Variants in NEK11 observed in about 807,000 individuals in gnomAD.
NEK11 encodes the protein NIMA related kinase 11, also known as serine/threonine-protein kinase Nek11.
Under a neutral mutation model 80.7 loss-of-function variants are expected in NEK11, and 72 were observed. The ratio of observed to expected loss-of-function variants is 0.89; its 90% confidence interval spans 0.74 to 1.08. The LOEUF (loss-of-function observed/expected upper bound fraction) is 1.08. NEK11 is among the 50% of genes least tolerant of loss of function. The pLI is 0.00. For missense variants in NEK11, 764 were observed against 763.6 expected (o/e 1.00, Z -0.01); for synonymous variants, 251 against 260.7 (o/e 0.96, Z 0.36).
intron 17 of NEK11, among the ~76,000 whole-genome samples, chr3:131,302,483 A>G (rs545166338): frequency 1.3e-5 from 2 of 152,274 alleles, no homozygotes; most frequent in African/African-American, 4.8e-5. Context: ...TGATGTGAAC[A>G]TCTAGCACTA....
intron 17 of NEK11, among the ~76,000 whole-genome samples, chr3:131,293,961 T>C (rs753185672): frequency 2.6e-5 from 4 of 152,024 alleles, no homozygotes; most frequent in African/African-American, 4.8e-5. Flanking sequence ...TTGTGTTCTC[T>C]CTTTTTTTCT....
intron 3 of NEK11, among the ~76,000 whole-genome samples, chr3:131,049,066 A>C (rs1360411650): frequency 7.2e-5 from 11 of 152,196 alleles, no homozygotes. Context: ...AGCCTTTTCT[A>C]ATTAATAGTA....
At position 131,165,510 on chromosome 3, in the gene NEK11, T is replaced by G. The variant is rs764947085; in HGVS notation, c.1167T>G (p.Asp389Glu). 2.2e-5 allele frequency: 36 copies of G among 1,601,778 alleles called. No homozygotes were observed. The highest frequency in any genetic ancestry group is 3.1e-5 in the Non-Finnish European group (36 of 1,169,712). Residue 389 changes from aspartate (D) to glutamate (E), a missense_variant, in exon 12 of 18, where the codon GAT becomes GAG. Asp to Glu is a conservative substitution (Grantham distance 45). Coordinates refer to ENST00000383366, the MANE Select transcript of NEK11 (RefSeq NM_024800.5). The stretch of plus-strand genomic sequence containing the variant: ...GGAACTTTCAGCAGCTGAGTGTTGA[T>G]GTACTCCATGTAAGTACCCTCTTAT... ...RSRNFQQLSV[D>E]VLHEKTHLKG...
chr3:131,079,168 G>A (rs973791616), intron 3 of NEK11, among the ~76,000 whole-genome samples: 1 of 152,128 alleles, frequency 6.6e-6, no homozygotes, highest in African/African-American at 2.4e-5. Flanking sequence ...ACAATGATGA[G>A]CATAACTGGC....
At chr3:131,125,091 A>G (rs77725271) in intron 5 of NEK11, among the ~76,000 whole-genome samples, 2,248 of 152,282 alleles carry the variant, frequency 0.015, 60 homozygotes, top group African/African-American at 0.051. Context: ...ATTCCTCTCT[A>G]ATCCACTAAA....
intron 4 of NEK11, chr3:131,109,580 T>A (rs2079740099): frequency 2.4e-6 from 1 of 424,716 alleles, no homozygotes. Flanking sequence ...ATTAATAGAT[T>A]CGTGTTTGTT....
At chr3:131,062,386 C>T (rs2148823188) in intron 3 of NEK11, among the ~76,000 whole-genome samples, 1 of 152,308 alleles carries the variant, frequency 6.6e-6, no homozygotes, top group South Asian at 2.1e-4. Flanking sequence ...TCCTCTGCTG[C>T]CCTCTCATTA....
intron 17 of NEK11, among the ~76,000 whole-genome samples, chr3:131,283,985 T>C (rs1163029518): frequency 6.6e-6 from 1 of 152,142 alleles, no homozygotes; most frequent in African/African-American, 2.4e-5. Flanking sequence ...TGAGAGTCTG[T>C]TAGGTGTGAG....
chr3:131,184,120 G>C (rs893987113), intron 14 of NEK11, among the ~76,000 whole-genome samples: 13 of 152,130 alleles, frequency 8.5e-5, no homozygotes, highest in Middle Eastern at 3.4e-3. Context: ...CATCCAGCAG[G>C]CATCATGGTA....
chr3:131,297,232 G>A (rs957531744), intron 17 of NEK11, among the ~76,000 whole-genome samples: 44 of 151,630 alleles, frequency 2.9e-4, no homozygotes, highest in Non-Finnish European at 5.0e-4. Flanking sequence ...CTGAGGAATC[G>A]CCACACTGAC....
intron 3 of NEK11, among the ~76,000 whole-genome samples, chr3:131,044,901 T>A (rs1188824086): frequency 2.0e-5 from 3 of 151,982 alleles, no homozygotes; most frequent in Non-Finnish European, 4.4e-5. Flanking sequence ...ATGCAAAAGA[T>A]CAGAAATCAT....
intron 4 of NEK11, among the ~76,000 whole-genome samples, chr3:131,102,203 T>C (rs2078471280): frequency 6.6e-6 from 1 of 152,142 alleles, no homozygotes; most frequent in Admixed American, 6.5e-5. Context: ...TATTAATATG[T>C]GAGATATTGA....
At chr3:131,234,235 TG>T (rs1185393358) in intron 15 of NEK11, among the ~76,000 whole-genome samples, 6 of 152,252 alleles carry the variant, frequency 3.9e-5, no homozygotes, top group African/African-American at 1.4e-4. Flanking sequence ...TCATCTGTTA[TG>T]GGATACAGAT....
At chr3:131,039,329 A>G (rs1189089942) in intron 3 of NEK11, among the ~76,000 whole-genome samples, 1 of 152,218 alleles carries the variant, frequency 6.6e-6, no homozygotes, top group Admixed American at 6.5e-5. Context: ...AGCTAACTTT[A>G]ATTTCCTGAC....
chr3:131,115,946 CT>C (rs369561182), intron 5 of NEK11, among the ~76,000 whole-genome samples: 2 of 128,138 alleles, frequency 1.6e-5, no homozygotes, highest in Admixed American at 7.9e-5. Context: ...TTCTTTCTTT[CT>C]TTCTTTCTTT....
At chr3:131,138,239 T>C (rs1380723767) in intron 7 of NEK11, among the ~76,000 whole-genome samples, 1 of 152,208 alleles carries the variant, frequency 6.6e-6, no homozygotes, top group African/African-American at 2.4e-5. Flanking sequence ...GAAGAGTCCT[T>C]AGGCCTTAAT....
intron 17 of NEK11, 31 bp downstream of exon 17, chr3:131,273,605 G>A (rs2096240931): frequency 1.3e-6 from 2 of 1,522,540 alleles, no homozygotes; most frequent in Admixed American, 1.7e-5. Context: ...CCCCTAGGAA[G>A]GTGCAGTGTT....
chr3:131,098,010 A>G (rs1183277773), intron 4 of NEK11, among the ~76,000 whole-genome samples: 1 of 145,536 alleles, frequency 6.9e-6, no homozygotes, highest in Non-Finnish European at 1.6e-5. Context: ...GCATATCTAC[A>G]ACTATCTGAT....
intron 16 of NEK11, among the ~76,000 whole-genome samples, chr3:131,247,707 A>G (rs995801006): frequency 6.6e-6 from 1 of 151,790 alleles, no homozygotes; most frequent in African/African-American, 2.4e-5. Context: ...CATTTTCACA[A>G]TGTTGATTCT....
Sources: gnomAD v4.1 joint callset for allele counts (sites outside exome capture counted in the v4.1 genomes callset) on GRCh38, gnomAD v4.1.1 for gene constraint, MANE v1.5 for transcripts, NCBI Gene and HGNC (gene_info 2026-07-23, HGNC 2026-07-21) for gene names.